GLB1L2: variants seen among roughly 807,000 people sequenced by gnomAD.
GLB1L2 encodes the protein galactosidase beta 1 like 2, also known as beta-galactosidase-1-like protein 2.
Under a neutral mutation model 84.1 loss-of-function variants are expected in GLB1L2, and 68 were observed. The ratio of observed to expected loss-of-function variants is 0.81; its 90% CI spans 0.67 to 0.99. The LOEUF (loss-of-function observed/expected upper bound fraction) is 0.99. Ranked by LOEUF, GLB1L2 falls within the 50% of genes least tolerant of loss-of-function variation. The pLI, the probability that GLB1L2 is intolerant of heterozygous loss-of-function variation, is 0.00. For missense variants in GLB1L2, 762 were observed against 805.6 expected, an observed-to-expected ratio of 0.95 and a Z score of 0.66; for synonymous variants, 290 against 318.0, an observed-to-expected ratio of 0.91 and a Z score of 0.94.
intron 1 of GLB1L2, among the ~76,000 whole-genome samples, chr11:134,332,759 T>C (rs569036048): frequency 6.6e-6 from 1 of 152,246 alleles, no homozygotes; most frequent in East Asian, 1.9e-4. Context: ...CACCCTTTCC[T>C]CTCCCCCTTT....
At chr11:134,344,752 C>T (rs1021886207) in intron 3 of GLB1L2, among the ~76,000 whole-genome samples, 5 of 152,244 alleles carry the variant, frequency 3.3e-5, no homozygotes, top group Non-Finnish European at 5.9e-5. Context: ...GCAGGGCGGC[C>T]CCTCTAGGCT....
intron 5 of GLB1L2, among the ~76,000 whole-genome samples, chr11:134,353,908 C>T (rs1193785333): frequency 6.6e-6 from 1 of 152,176 alleles, no homozygotes; most frequent in Non-Finnish European, 1.5e-5. Flanking sequence ...CTTTCACTTC[C>T]AACCAATAAA....
chr11:134,351,957 T>C (rs1256242071), intron 5 of GLB1L2, among the ~76,000 whole-genome samples: 2 of 152,194 alleles, frequency 1.3e-5, no homozygotes, highest in Admixed American at 6.5e-5. Context: ...TTCTACCTTA[T>C]AGAATAAGGT....
At chr11:134,361,711 G>A (rs528421025) in intron 7 of GLB1L2, among the ~76,000 whole-genome samples, 4 of 152,166 alleles carry the variant, frequency 2.6e-5, no homozygotes, top group Admixed American at 6.5e-5. Context: ...GTCTGATCCG[G>A]CTCGTGTGGA....
intron 9 of GLB1L2, among the ~76,000 whole-genome samples, chr11:134,367,853 T>C (rs920273073): frequency 6.6e-6 from 1 of 152,240 alleles, no homozygotes; most frequent in African/African-American, 2.4e-5. Context: ...AAACCACACT[T>C]TGTGGACACA....
rs543094289 is a variant in GLB1L2 at position 134,355,374 on chromosome 11, C to T, written c.559-927C>T. Reference sequence around the variant, plus strand: ...TTTGTTCCTTTGATGAGTCATACTTCCCTGTTTCTTTTTATGTTTGTGTTT... The same window carrying T: ...TTTGTTCCTTTGATGAGTCATACTTTCCTGTTTCTTTTTATGTTTGTGTTT... On this transcript the variant is annotated intron_variant, in intron 5 of 18. Coordinates refer to ENST00000535456, the MANE Select transcript of GLB1L2 (RefSeq NM_001370461.1). 7.9e-5 allele frequency among the ~76,000 whole-genome samples: 12 copies of T among 152,184 alleles called. No homozygotes were observed. The East Asian group carries it at 2.3e-3, about 29-fold the overall frequency.
intron 8 of GLB1L2, among the ~76,000 whole-genome samples, chr11:134,365,672 C>T (rs1039977886): frequency 4.6e-5 from 7 of 152,170 alleles, no homozygotes; most frequent in African/African-American, 9.7e-5. Context: ...TAGCCACGCG[C>T]GAGCCTTCCC....
chr11:134,355,283 G>T (rs770168779), intron 5 of GLB1L2, among the ~76,000 whole-genome samples: 1 of 152,128 alleles, frequency 6.6e-6, no homozygotes, highest in Non-Finnish European at 1.5e-5. Flanking sequence ...TACGACAGCT[G>T]TTATAGATCT....
intron 16 of GLB1L2, 36 bp from the exon 17 acceptor site, chr11:134,374,109 G>A (rs1277478460): frequency 1.4e-6 from 2 of 1,456,580 alleles, no homozygotes; most frequent in Non-Finnish European, 1.9e-6. Flanking sequence ...ATTGAGAAGG[G>A]CCTCCTCCCT....
intron 15 of GLB1L2, 146 bp from the exon 16 acceptor site, chr11:134,373,575 T>G: frequency 1.5e-6 from 1 of 661,348 alleles, no homozygotes; most frequent in South Asian, 1.8e-5. Context: ...GAGCGTACAC[T>G]TCAGTACCCC....
In GLB1L2 at chr11:134,375,023, A is replaced by C. The variant is rs758617793; in HGVS notation, c.1876A>C (p.Thr626Pro). 2.1e-5 allele frequency: 34 copies of C among 1,613,300 alleles called. No homozygotes were observed. Among genetic ancestry groups the C allele is most frequent in the Non-Finnish European group, 5.1e-6 (6 of 1,179,904 alleles). The part of the protein sequence containing the change: ...MAGPALQFTE[T>P]PHLGRNQYIK The stretch of plus-strand genomic sequence containing the variant: ...GGGCCCTGCATTACAGTTCACGGAA[A>C]CCCCCCACCTGGGCAGGAACCAGTA... Residue 626 changes from threonine to proline, a missense_variant, in exon 19 of 19, where the codon ACC (threonine) becomes CCC (proline). Thr to Pro is a conservative substitution (Grantham distance 38). Coordinates refer to ENST00000535456, the MANE Select transcript of GLB1L2 (RefSeq NM_001370461.1).
intron 7 of GLB1L2, among the ~76,000 whole-genome samples, chr11:134,362,682 C>T (rs1477710033): frequency 2.0e-5 from 3 of 152,248 alleles, no homozygotes; most frequent in African/African-American, 7.2e-5. Flanking sequence ...CTTCCTCTTC[C>T]CGCCCTCCCC....
Position 134,367,191 on chromosome 11 carries a change from A to G in GLB1L2, c.805-66A>G, listed in dbSNP as rs530381635. Reference sequence around the variant, plus strand: ...GGCAGAGATCCTGGGGCTCCCCTCCATGAAGAGCTTCCCTCTTTTTTGTCT... The same window carrying G: ...GGCAGAGATCCTGGGGCTCCCCTCCGTGAAGAGCTTCCCTCTTTTTTGTCT... On this transcript the variant is annotated intron_variant, in intron 8 of 18. Transcript: ENST00000535456. The G allele has an allele frequency of 6.0e-6, 8 of 1,335,538 alleles. No individual in the cohort carries two copies. In the East Asian group the frequency reaches 1.6e-4, roughly 27 times the overall value. The allele number at this position is 1,335,538 out of a possible 1,614,324, so 82.7% of individuals were successfully genotyped here.
intron 1 of GLB1L2, among the ~76,000 whole-genome samples, chr11:134,340,474 G>C (rs905563567): frequency 1.3e-5 from 2 of 152,208 alleles, no homozygotes; most frequent in Non-Finnish European, 2.9e-5. Context: ...GAGTACCTGA[G>C]GCAGGGAGGG....
chr11:134,342,303 C>T (rs918650420), intron 1 of GLB1L2, among the ~76,000 whole-genome samples: 2 of 152,316 alleles, frequency 1.3e-5, no homozygotes, highest in East Asian at 1.9e-4. Context: ...ACGCCGCCAA[C>T]GCAGACCCTC....
At chr11:134,369,935 C>A in intron 11 of GLB1L2, 50 bp downstream of exon 11, 1 of 1,481,580 alleles carries the variant, frequency 6.7e-7, no homozygotes, top group Non-Finnish European at 9.4e-7. Flanking sequence ...CTCGCTTCTG[C>A]TCTCAGACCC....
At chr11:134,374,824 C>T (rs1270844743) in intron 18 of GLB1L2, 106 bp downstream of exon 18, 1 of 1,153,438 alleles carries the variant, frequency 8.7e-7, no homozygotes. Flanking sequence ...TTCTTCCTCC[C>T]TCCTCCTCGC....
At chr11:134,343,023 A>C in intron 2 of GLB1L2, 72 bp downstream of exon 2, 1 of 1,499,054 alleles carries the variant, frequency 6.7e-7, no homozygotes, top group Non-Finnish European at 9.0e-7. Context: ...GCGAAAAAAT[A>C]TAAGAGGAAC....
At chr11:134,332,217 C>T in intron 1 of GLB1L2, 70 bp downstream of exon 1, 1 of 1,111,424 alleles carries the variant, frequency 9.0e-7, no homozygotes, top group Non-Finnish European at 1.3e-6. Flanking sequence ...CGGGTTCTCT[C>T]CTCCCGCGAC....
Sources: allele counts gnomAD v4.1 joint callset (sites outside exome capture counted in the v4.1 genomes callset), GRCh38; gene constraint gnomAD v4.1.1; transcripts MANE v1.5; gene names NCBI Gene and HGNC (gene_info 2026-07-23, HGNC 2026-07-21).